HMGCS1: variants seen among roughly 807,000 people sequenced by gnomAD.
The protein encoded by HMGCS1 is hydroxymethylglutaryl-CoA synthase, cytoplasmic.
In HMGCS1, 9 loss-of-function variants were observed where a neutral mutation model predicts 52.3. The ratio of observed to expected loss-of-function variants is 0.17; its 90% CI spans 0.10 to 0.30. The LOEUF (loss-of-function observed/expected upper bound fraction) is 0.30. HMGCS1 is among the 10% of genes least tolerant of loss of function. The probability of loss-of-function intolerance (pLI) is 1.00; values close to 1 mark genes in which losing one functional copy is unlikely to be tolerated. For synonymous variants in HMGCS1, 176 were observed against 214.4 expected (o/e 0.82, Z 1.57); for missense variants, 320 against 620.9 (o/e 0.52, Z 5.15).
intron 1 of HMGCS1, among the ~76,000 whole-genome samples, chr5:43,308,579 A>G (rs1249973838): frequency 2.6e-5 from 4 of 152,218 alleles, no homozygotes; most frequent in Non-Finnish European, 5.9e-5. Context: ...GGAGCATTAA[A>G]CATTATTATG....
chr5:43,302,044 C>T (rs1656405227), intron 2 of HMGCS1, among the ~76,000 whole-genome samples: 1 of 152,214 alleles, frequency 6.6e-6, no homozygotes, highest in African/African-American at 2.4e-5. Context: ...TCAGAACCAC[C>T]ACTGAGGAAG....
chr5:43,311,978 T>G (rs1258529968), intron 1 of HMGCS1, among the ~76,000 whole-genome samples: 2 of 152,208 alleles, frequency 1.3e-5, no homozygotes, highest in East Asian at 3.9e-4. Context: ...AAAGCCTTTC[T>G]CTCTTCCCAT....
intron 10 of HMGCS1, among the ~76,000 whole-genome samples, chr5:43,291,987 C>CT (rs537398917): frequency 0.037 from 3,109 of 83,116 alleles, 140 homozygotes; most frequent in Non-Finnish European, 0.047. Flanking sequence ...ACTGTATATT[C>CT]TTTTTTTTTT....
chr5:43,298,021 T>C lies in HMGCS1; in HGVS notation c.562A>G (p.Ile188Val), dbSNP rs991220413. 6.2e-7 allele frequency: 1 copy of C among 1,613,156 alleles called. No individual in the cohort carries two copies. Among genetic ancestry groups the C allele is most frequent in the Non-Finnish European group, 8.5e-7 (1 of 1,179,724 alleles). ...CCCAAGCACTTACCTCGTTCAAAAA[T>C]TAAAGGAGCATTTGGCCCAATTAGC... ...ALLIGPNAPL[I>V]FERGLRGTHM... The change falls in exon 4 of 11, where the codon ATT becomes GTT. Residue 188 changes from isoleucine to valine, a missense_variant. Ile to Val is a conservative substitution (Grantham distance 29). Around this residue, in one of 3 missense-constraint regions of HMGCS1, gnomAD observed 85 missense variants for 260.0 expected, o/e 0.33. Coordinates refer to ENST00000325110, the MANE Select transcript of HMGCS1 (RefSeq NM_001098272.3). This position sits in a 1 kb window ranked among gnomAD's most constrained non-coding sequence, Gnocchi z 5.6.
chr5:43,306,398 C>G (rs1423910635), intron 2 of HMGCS1, among the ~76,000 whole-genome samples: 2 of 152,226 alleles, frequency 1.3e-5, no homozygotes, highest in African/African-American at 4.8e-5. Flanking sequence ...ACTTCAGCAT[C>G]AGTCTCTCCT....
intron 2 of HMGCS1, among the ~76,000 whole-genome samples, chr5:43,305,655 A>G (rs1754530007): frequency 6.6e-6 from 1 of 151,948 alleles, no homozygotes; most frequent in Admixed American, 6.6e-5. Flanking sequence ...CAGTAATCCC[A>G]GCTACTTGGA....
At chr5:43,304,652 T>C (rs1754475016) in intron 2 of HMGCS1, among the ~76,000 whole-genome samples, 1 of 152,250 alleles carries the variant, frequency 6.6e-6, no homozygotes, top group Non-Finnish European at 1.5e-5. Context: ...CTACATTAAA[T>C]ACATGACATG....
Position 43,298,942 on chromosome 5 carries a change from A to G in HMGCS1, c.24T>C (p.Asn8=), listed in dbSNP as rs769488263. The G allele has an allele frequency of 6.2e-7, 1 of 1,613,460 alleles. No individual in the cohort carries two copies. The highest frequency in any genetic ancestry group is 8.5e-7 in the Non-Finnish European group (1 of 1,179,702). MPGSLPL[N]AEACWPKDVG... ...CATCTTTTGGCCAGCAAGCTTCTGC[A>G]TTCAAAGGAAGTGATCCAGGCATGG... is the stretch of plus-strand genomic sequence containing the variant. Residue 8 remains asparagine, a synonymous_variant, in exon 3 of 11, where the codon AAT becomes AAC. Coordinates refer to ENST00000325110, the MANE Select transcript of HMGCS1 (RefSeq NM_001098272.3). The surrounding 1 kb of genome is among the most constrained non-coding windows in gnomAD (Gnocchi z 5.6).
intron 7 of HMGCS1, 80 bp downstream of exon 7, chr5:43,294,611 G>A: frequency 1.9e-6 from 2 of 1,059,720 alleles, no homozygotes; most frequent in East Asian, 2.5e-5. Context: ...CCACCAACAT[G>A]CTTGACACTA....
In HMGCS1 at chr5:43,297,291, G is replaced by C. The variant is rs1050918612; in HGVS notation, c.575-125C>G. Reference sequence around the variant, plus strand: ...TGATCAATTCTCACCACTTACAGTAGAGAAATCGCAAGCTGAAGCCAATAT... The same window carrying C: ...TGATCAATTCTCACCACTTACAGTACAGAAATCGCAAGCTGAAGCCAATAT... On this transcript the variant is annotated intron_variant, in intron 4 of 10. Transcript: ENST00000325110. 4 of 757,930 alleles carry C rather than the reference G, an allele frequency of 5.3e-6. No individual in the cohort carries two copies. In the Admixed American group the frequency reaches 1.1e-4, roughly 21 times the overall value. 47.0% of individuals were successfully genotyped at this position (757,930 alleles called of 1,614,324 possible). A position where few individuals can be genotyped will look rare whatever the true frequency, so the allele number is the denominator to read the frequency against.
Position 43,298,210 on chromosome 5 carries a change from A to G in HMGCS1, c.449-76T>C. 5 of 1,293,940 alleles carry G rather than the reference A, an allele frequency of 3.9e-6. No homozygotes were observed. The highest frequency in any genetic ancestry group is 5.4e-6 in the Non-Finnish European group (5 of 928,574). The allele number at this position is 1,293,940 out of a possible 1,614,324, so 80.2% of individuals were successfully genotyped here. A position where few individuals can be genotyped will look rare whatever the true frequency, so the allele number is the denominator to read the frequency against. On this transcript the variant is annotated intron_variant, in intron 3 of 10. Transcript: ENST00000325110. The surrounding 1 kb of genome is among the most constrained non-coding windows in gnomAD (Gnocchi z 5.6). Reference sequence around the variant, plus strand: ...AAACATGGAAACTGAAGTCTGTTATATTTTCCCCAGAATATGCTTTTCCCT... The same window carrying G: ...AAACATGGAAACTGAAGTCTGTTATGTTTTCCCCAGAATATGCTTTTCCCT...
chr5:43,303,147 C>T (rs763928372), intron 2 of HMGCS1, among the ~76,000 whole-genome samples: 4 of 152,160 alleles, frequency 2.6e-5, no homozygotes, highest in Admixed American at 6.5e-5. Context: ...TTAGATAGTA[C>T]GAAATATAGC....
At chr5:43,305,813 A>T (rs1754543980) in intron 2 of HMGCS1, among the ~76,000 whole-genome samples, 1 of 151,766 alleles carries the variant, frequency 6.6e-6, no homozygotes, top group South Asian at 2.1e-4. Flanking sequence ...TAAAAAATTT[A>T]AAAAAAGAGA....
At chr5:43,291,725 A>G (rs2111623927) in intron 10 of HMGCS1, among the ~76,000 whole-genome samples, 1 of 152,300 alleles carries the variant, frequency 6.6e-6, no homozygotes, top group Non-Finnish European at 1.5e-5. Context: ...TATAAACTTC[A>G]AGGAGGTTGT....
chr5:43,289,604 T>C lies in HMGCS1; in HGVS notation c.*1527A>G, dbSNP rs998244349. 1 of 152,614 alleles carries C rather than the reference T, an allele frequency of 6.6e-6. No individual in the cohort carries two copies. Among genetic ancestry groups the C allele is most frequent in the Non-Finnish European group, 1.5e-5 (1 of 68,034 alleles). 9.5% of individuals were successfully genotyped at this position (152,614 alleles called of 1,614,324 possible). A position where few individuals can be genotyped will look rare whatever the true frequency, so the allele number is the denominator to read the frequency against. ...TTGCAAAAGTATTACATGCACCATT[T>C]TGCCACCATTCTTTAAATCAGAACT... On this transcript the variant is annotated 3_prime_UTR_variant, in exon 11 of 11. Coordinates refer to ENST00000325110, the MANE Select transcript of HMGCS1 (RefSeq NM_001098272.3).
At chr5:43,306,814 G>A (rs558950535) in intron 2 of HMGCS1, among the ~76,000 whole-genome samples, 15 of 152,258 alleles carry the variant, frequency 9.9e-5, no homozygotes, top group African/African-American at 2.6e-4. Flanking sequence ...AGCAGGAACC[G>A]TGCTTTGTTC....
intron 5 of HMGCS1, 60 bp from the exon 6 acceptor site, chr5:43,295,977 G>A: frequency 7.7e-7 from 1 of 1,292,772 alleles, no homozygotes; most frequent in Non-Finnish European, 1.1e-6. Context: ...TTTAAAGTTT[G>A]ACTTTAGAAT....
intron 2 of HMGCS1, 124 bp from the exon 3 acceptor site, chr5:43,299,099 T>A (rs1252334177): frequency 3.0e-6 from 2 of 671,136 alleles, no homozygotes; most frequent in African/African-American, 3.6e-5. Context: ...TCTTTAAGTT[T>A]AGTATTTAGG....
rs1320714075 is a variant in HMGCS1, at chr5:43,290,481, CTT to C, written c.*648_*649del. The C allele has an allele frequency of 1.3e-5, 2 of 152,196 alleles. No individual in the cohort carries two copies. The highest frequency in any genetic ancestry group is 4.8e-5 in the African/African-American group (2 of 41,442). The allele number at this position is 152,196 out of a possible 1,614,324, so 9.4% of individuals were successfully genotyped here. A position where few individuals can be genotyped will look rare whatever the true frequency, so the allele number is the denominator to read the frequency against. ...CTCTGTTCAGAGGTCATTACAATAA[CTT>C]TTGTCACTGCTGGCCTGGACTTAAC... On this transcript the variant is annotated 3_prime_UTR_variant, in exon 11 of 11. Coordinates refer to ENST00000325110, the MANE Select transcript of HMGCS1 (RefSeq NM_001098272.3).
Sources: allele counts gnomAD v4.1 joint callset (sites outside exome capture counted in the v4.1 genomes callset), GRCh38; gene constraint gnomAD v4.1.1; regional missense constraint gnomAD v4.1.1; non-coding constraint Gnocchi (gnomAD v3.1); transcripts MANE v1.5; gene names NCBI Gene and HGNC (gene_info 2026-07-23, HGNC 2026-07-21).